DNM1L: variants seen among roughly 807,000 people sequenced by gnomAD.
DNM1L encodes the protein dynamin 1L.
Under a neutral mutation model 92.8 loss-of-function variants are expected in DNM1L, and 33 were observed. The observed-to-expected ratio is 0.36, with a 90% CI of 0.27 to 0.48. The LOEUF (loss-of-function observed/expected upper bound fraction) is 0.48, where lower values mean the gene tolerates loss of function less well. Ranked by LOEUF, DNM1L falls within the 20% of genes least tolerant of loss-of-function variation. DNM1L has a pLI of 0.99. For missense variants in DNM1L, 485 were observed against 888.8 expected, an observed-to-expected ratio of 0.55 and a Z score of 5.78; for synonymous variants, 284 against 305.0, an observed-to-expected ratio of 0.93 and a Z score of 0.72.
intron 1 of DNM1L, among the ~76,000 whole-genome samples, chr12:32,681,933 G>T (rs1317918776): frequency 6.6e-6 from 1 of 151,950 alleles, no homozygotes; most frequent in Non-Finnish European, 1.5e-5. Flanking sequence ...GTTTGAGGCT[G>T]CAGTGAGCTA....
At chr12:32,724,763 C>T (rs929369574) in intron 9 of DNM1L, among the ~76,000 whole-genome samples, 23 of 150,104 alleles carry the variant, frequency 1.5e-4, no homozygotes, top group African/African-American at 5.6e-4. Context: ...GTTGTCAAAG[C>T]ATGGTGTGAA....
intron 7 of DNM1L, among the ~76,000 whole-genome samples, chr12:32,719,027 T>C (rs947266948): frequency 3.9e-5 from 6 of 151,952 alleles, no homozygotes; most frequent in South Asian, 2.1e-4. Flanking sequence ...TTGTGGCTCA[T>C]TGTAGCATCA....
chr12:32,726,841 C>A, intron 9 of DNM1L: 1 of 630,566 alleles, frequency 1.6e-6, no homozygotes, highest in South Asian at 1.9e-5. Flanking sequence ...TCATCTGGTT[C>A]TGGTTCTAAC....
chr12:32,707,043 A>G (rs923504768), intron 2 of DNM1L: 19 of 259,322 alleles, frequency 7.3e-5, no homozygotes, highest in African/African-American at 3.2e-4. Flanking sequence ...TTACTGTAAT[A>G]TAACTACACA....
At chr12:32,688,803 T>C (rs1401578683) in intron 1 of DNM1L, among the ~76,000 whole-genome samples, 15 of 152,238 alleles carry the variant, frequency 9.9e-5, no homozygotes. Context: ...TAGAAAGCAC[T>C]GGACCTATAG....
At chr12:32,698,176 A>G (rs151092737) in intron 1 of DNM1L, among the ~76,000 whole-genome samples, 39 of 152,126 alleles carry the variant, frequency 2.6e-4, no homozygotes, top group African/African-American at 9.1e-4. Context: ...ATATTCCTCA[A>G]TTTAACTCTC....
At chr12:32,728,097 C>T (rs1157332458) in intron 9 of DNM1L, 1 of 152,266 alleles carries the variant, frequency 6.6e-6, no homozygotes, top group Non-Finnish European at 1.5e-5. Flanking sequence ...GCACCCTCCA[C>T]TGTGTACCCT....
intron 1 of DNM1L, among the ~76,000 whole-genome samples, chr12:32,694,294 C>T (rs1952346213): frequency 3.3e-5 from 5 of 151,994 alleles, no homozygotes. Context: ...CCATGTTGGC[C>T]AGGTTGGTCT....
intron 8 of DNM1L, 149 bp from the exon 9 acceptor site, chr12:32,722,278 G>A (rs1325118970): frequency 1.4e-6 from 1 of 700,420 alleles, no homozygotes; most frequent in Non-Finnish European, 2.4e-6. Context: ...GCCAGGAAAT[G>A]AAGACAAAGA....
chr12:32,732,009 C>A, intron 12 of DNM1L, 66 bp downstream of exon 12: 3 of 1,199,218 alleles, frequency 2.5e-6, no homozygotes, highest in South Asian at 2.4e-5. Flanking sequence ...TGCTTGGCTG[C>A]TTTTTAATAA....
At chr12:32,732,421 A>G in intron 12 of DNM1L, 1 of 440,624 alleles carries the variant, frequency 2.3e-6, no homozygotes, top group Non-Finnish European at 4.5e-6. Flanking sequence ...GCTGCTATCC[A>G]CACAAATAAA....
intron 9 of DNM1L, among the ~76,000 whole-genome samples, chr12:32,724,626 TATTA>T (rs1179324816): frequency 9.2e-5 from 13 of 141,490 alleles, no homozygotes; most frequent in Non-Finnish European, 1.4e-4. Flanking sequence ...ATATAAATTA[TATTA>T]ATTAAATATA....
At chr12:32,733,087 C>T (rs1360470088) in intron 12 of DNM1L, among the ~76,000 whole-genome samples, 3 of 152,080 alleles carry the variant, frequency 2.0e-5, no homozygotes, top group African/African-American at 4.8e-5. Context: ...GCAATGAGAG[C>T]GAAACTCCGT....
Position 32,733,384 on chromosome 12 carries a change from A to C in DNM1L, c.1447-331A>C, listed in dbSNP as rs138064831. 2.0e-3 allele frequency: 506 copies of C among 252,950 alleles called. 2 individuals carry two copies. Among genetic ancestry groups the C allele is most frequent in the Middle Eastern group, 5.9e-3 (4 of 680 alleles). 15.7% of individuals were successfully genotyped at this position (252,950 alleles called of 1,614,324 possible). A position where few individuals can be genotyped will look rare whatever the true frequency, so the allele number is the denominator to read the frequency against. On this transcript the variant is annotated intron_variant, in intron 12 of 19. Transcript: ENST00000549701. ...GAATAGTGGATGATCTGAAGTTTTA[A>C]TAGCAAAGTTGCATAAAGTGTTGGA...
In DNM1L at chr12:32,740,065, T is replaced by C. The variant is rs201599334; in HGVS notation, c.1709T>C (p.Val570Ala). Reference protein sequence around the residue: ...IQDSRRETKNVASGGGGVGDG... With the variant: ...IQDSRRETKNAASGGGGVGDG... ...ATGTTTTGGAACATGTTTTTTCAGG[T>C]TGCATCTGGAGGTGGTGGGGTTGGA... is the stretch of plus-strand genomic sequence containing the variant. Residue 570 changes from valine (V) to alanine (A), a missense_variant and splice_region_variant, in exon 17 of 20, where the codon GTT becomes GCT. By Grantham distance (64) the Val-to-Ala change is moderately conservative. Coordinates refer to ENST00000549701, the MANE Select transcript of DNM1L (RefSeq NM_012062.5). The C allele has an allele frequency of 6.2e-7, 1 of 1,614,150 alleles. No homozygotes were observed. Among genetic ancestry groups the C allele is most frequent in the East Asian group, 2.2e-5 (1 of 44,886 alleles).
chr12:32,681,384 T>C (rs11052160), intron 1 of DNM1L, among the ~76,000 whole-genome samples: 23,605 of 151,896 alleles, frequency 0.16, 1,930 homozygotes, highest in Middle Eastern at 0.21. Flanking sequence ...AACTCCATCT[T>C]TACGAAAAAT....
At chr12:32,690,018 GGAGCCC>G (rs1345156185) in intron 1 of DNM1L, among the ~76,000 whole-genome samples, 1 of 152,194 alleles carries the variant, frequency 6.6e-6, no homozygotes, top group African/African-American at 2.4e-5. Context: ...TAGTGCCAGT[GGAGCCC>G]GATTTTCAGA....
intron 1 of DNM1L, among the ~76,000 whole-genome samples, chr12:32,681,367 G>A (rs1393933047): frequency 2.0e-5 from 3 of 152,008 alleles, no homozygotes; most frequent in Admixed American, 2.0e-4. Flanking sequence ...CCTGGGCAAC[G>A]TGGGGAAACT....
intron 2 of DNM1L, chr12:32,705,720 C>T (rs1952895595): frequency 2.0e-6 from 2 of 1,004,944 alleles, no homozygotes; most frequent in African/African-American, 1.6e-5. Context: ...ATGCTATGTG[C>T]ATTTGAAATG....
Sources: allele counts gnomAD v4.1 joint callset (sites outside exome capture counted in the v4.1 genomes callset), GRCh38; gene constraint gnomAD v4.1.1; transcripts MANE v1.5; gene names NCBI Gene and HGNC (gene_info 2026-07-23, HGNC 2026-07-21).